The following COPG2 variants were observed in gnomAD, a reference collection of about 807,000 sequenced individuals.
COPG2 encodes coat protein complex I subunit gamma 2.
A neutral mutation model predicts 46.3 loss-of-function variants in COPG2; 37 were observed. The ratio of observed to expected loss-of-function variants is 0.80; its 90% CI spans 0.61 to 1.05. COPG2 has a LOEUF of 1.05. Ranked by LOEUF, COPG2 falls within the 50% of genes least tolerant of loss-of-function variation. COPG2 has a pLI of 0.00. For synonymous variants in COPG2, 159 were observed against 129.7 expected (o/e 1.23, Z -1.53); for missense variants, 427 against 387.8 (o/e 1.10, Z -0.85).
At chr7:130,546,318 C>CA (rs1286068285) in intron 20 of COPG2, among the ~76,000 whole-genome samples, 15 of 152,218 alleles carry the variant, frequency 9.9e-5, no homozygotes, top group African/African-American at 3.6e-4. Context: ...AGAGTACAGC[C>CA]AGCTTAATTA....
At chr7:130,539,296 G>A (rs1046774850) in intron 20 of COPG2, among the ~76,000 whole-genome samples, 6 of 152,134 alleles carry the variant, frequency 3.9e-5, no homozygotes, top group Non-Finnish European at 7.4e-5. Flanking sequence ...AGGAAGTGGC[G>A]GGACTGGCTG....
rs782620099 is a variant in COPG2 at position 130,507,320 on chromosome 7, G to A, written c.2439C>T (p.Ser813=). The part of the protein sequence containing the change: ...TFLGMQPCER[S]DKVPENKNSH... The stretch of plus-strand genomic sequence containing the variant: ...AATTCTTGTTCTCAGGTACTTTATC[G>A]GACCTCTCACATGGCTGCATGCCCA... The change falls in exon 23 of 24, where the codon TCC becomes TCT. Residue 813 remains serine, a synonymous_variant. Transcript: ENST00000425248. The A allele has an allele frequency of 3.2e-5, 25 of 780,554 alleles. No individual in the cohort carries two copies. Among genetic ancestry groups the A allele is most frequent in the Admixed American group, 6.8e-5 (4 of 59,016 alleles). 48.4% of individuals were successfully genotyped at this position (780,554 alleles called of 1,614,324 possible). A position where few individuals can be genotyped will look rare whatever the true frequency, so the allele number is the denominator to read the frequency against.
At chr7:130,600,973 C>G (rs535353392) in intron 9 of COPG2, among the ~76,000 whole-genome samples, 1 of 152,332 alleles carries the variant, frequency 6.6e-6, no homozygotes, top group South Asian at 2.1e-4. Context: ...TTATAAAACA[C>G]TGCAACTTCC....
rs1302151531 is a variant in COPG2 at position 130,523,438 on chromosome 7, G to A, written c.2150-14779C>T. On this transcript the variant is annotated intron_variant, in intron 20 of 23. Coordinates refer to ENST00000425248, the MANE Select transcript of COPG2 (RefSeq NM_012133.6). ...GGCCGCCTTGGGGTCCTGCATCCTC[G>A]GGTGAGAATCACTGGTGGATGTGGG... Among the ~76,000 whole-genome samples, 5 of 152,292 alleles carry A rather than the reference G, an allele frequency of 3.3e-5. No individual in the cohort carries two copies. The East Asian group carries it at 5.8e-4, about 18-fold the overall frequency.
intron 9 of COPG2, among the ~76,000 whole-genome samples, chr7:130,566,425 A>C (rs1793803829): frequency 1.3e-5 from 2 of 152,238 alleles, no homozygotes; most frequent in South Asian, 2.1e-4. Flanking sequence ...TTTCTCAAAG[A>C]CCTCAGAACT....
rs1027547759 is a variant in COPG2, at chr7:130,594,142, T to C, written c.737+16811A>G. On this transcript the variant is annotated intron_variant, in intron 9 of 23. Transcript: ENST00000425248. ...GGTAAAACTCAAACAAATATTTCAA[T>C]AGAAAGGATATCCAAATGGATAGTA... is the stretch of plus-strand genomic sequence containing the variant. Among the ~76,000 whole-genome samples the C allele has an allele frequency of 3.3e-5, 5 of 152,210 alleles. No individual in the cohort carries two copies. In the East Asian group the frequency reaches 9.6e-4, roughly 29 times the overall value.
At chr7:130,611,770 T>C (rs1794853875) in intron 8 of COPG2, among the ~76,000 whole-genome samples, 1 of 152,192 alleles carries the variant, frequency 6.6e-6, no homozygotes, top group Non-Finnish European at 1.5e-5. Context: ...GACAAAATGG[T>C]TTCAAAGTTT....
At chr7:130,509,196 G>T (rs1264418471) in intron 20 of COPG2, 4 of 467,158 alleles carry the variant, frequency 8.6e-6, no homozygotes, top group Non-Finnish European at 1.3e-5. Flanking sequence ...AGCCTAAAGT[G>T]AGTAGGTCAG....
intron 5 of COPG2, among the ~76,000 whole-genome samples, chr7:130,636,422 G>T (rs559140880): frequency 1.3e-5 from 2 of 152,130 alleles, no homozygotes; most frequent in Non-Finnish European, 1.5e-5. Flanking sequence ...ATATATTTAG[G>T]ATAGTTAGCT....
intron 4 of COPG2, among the ~76,000 whole-genome samples, chr7:130,654,045 C>A (rs1795801785): frequency 6.6e-6 from 1 of 151,962 alleles, no homozygotes; most frequent in South Asian, 2.1e-4. Context: ...AAAATGGGGG[C>A]TCAACATTAT....
intron 9 of COPG2, among the ~76,000 whole-genome samples, chr7:130,595,322 A>C (rs1794507235): frequency 6.6e-6 from 1 of 152,182 alleles, no homozygotes; most frequent in Admixed American, 6.5e-5. Context: ...ATCCAGAGAC[A>C]AAAAAATGGA....
chr7:130,531,880 C>A (rs1404062356), intron 20 of COPG2, among the ~76,000 whole-genome samples: 4 of 151,992 alleles, frequency 2.6e-5, no homozygotes, highest in African/African-American at 9.7e-5. Flanking sequence ...GGGGCACGGA[C>A]CCCCAGGCAG....
chr7:130,633,256 A>G (rs1410496904), intron 5 of COPG2, among the ~76,000 whole-genome samples: 2 of 152,178 alleles, frequency 1.3e-5, no homozygotes, highest in Non-Finnish European at 2.9e-5. Flanking sequence ...TTGGATATAT[A>G]CCCAGTAATG....
At chr7:130,626,107 G>A (rs1274792135) in intron 5 of COPG2, among the ~76,000 whole-genome samples, 1 of 151,876 alleles carries the variant, frequency 6.6e-6, no homozygotes, top group African/African-American at 2.4e-5. Context: ...TCTTTTACTG[G>A]GAACATTCAA....
At chr7:130,590,703 C>G in intron 9 of COPG2, among the ~76,000 whole-genome samples, 1 of 151,974 alleles carries the variant, frequency 6.6e-6, no homozygotes, top group Non-Finnish European at 1.5e-5. Context: ...AGGAGCGTCT[C>G]TGCCTGGCCG....
chr7:130,577,210 T>C (rs1794016658), intron 9 of COPG2, among the ~76,000 whole-genome samples: 3 of 152,104 alleles, frequency 2.0e-5, no homozygotes, highest in Non-Finnish European at 4.4e-5. Context: ...CAGCTCCCAG[T>C]GTGAGCGACG....
chr7:130,583,187 G>A (rs1266813221), intron 9 of COPG2, among the ~76,000 whole-genome samples: 18 of 151,492 alleles, frequency 1.2e-4, no homozygotes, highest in African/African-American at 2.4e-4. Context: ...ATGAGTTCAT[G>A]TTCTTTGTAG....
intron 9 of COPG2, among the ~76,000 whole-genome samples, chr7:130,577,475 G>A (rs1554446416): frequency 6.6e-6 from 1 of 152,186 alleles, no homozygotes; most frequent in African/African-American, 2.4e-5. Flanking sequence ...TTAAAAAACA[G>A]CCCAGGCCAG....
chr7:130,630,063 C>T (rs1024768336), intron 5 of COPG2, among the ~76,000 whole-genome samples: 5 of 151,802 alleles, frequency 3.3e-5, no homozygotes, highest in Non-Finnish European at 7.4e-5. Flanking sequence ...ATTACAGACA[C>T]GCGCCACCAT....
Sources: gnomAD v4.1 joint callset for allele counts (sites outside exome capture counted in the v4.1 genomes callset) on GRCh38, gnomAD v4.1.1 for gene constraint, MANE v1.5 for transcripts, NCBI Gene and HGNC (gene_info 2026-07-23, HGNC 2026-07-21) for gene names.